Variants in CNBD1 observed in about 807,000 individuals in gnomAD.
The protein encoded by CNBD1 is cyclic nucleotide-binding domain-containing protein 1.
Under a neutral mutation model 54.4 loss-of-function variants are expected in CNBD1, and 71 were observed. The observed-to-expected ratio is 1.30, with a 90% CI of 1.08 to 1.59. The LOEUF (loss-of-function observed/expected upper bound fraction) is 1.59, where lower values mean the gene tolerates loss of function less well. Among genes scored for constraint, CNBD1 ranks in the 40% most tolerant of loss-of-function variants. The pLI is 0.00. For synonymous variants in CNBD1, 182 were observed against 170.7 expected (o/e 1.07, Z -0.51); for missense variants, 659 against 518.0 (o/e 1.27, Z -2.64).
intron 2 of CNBD1, among the ~76,000 whole-genome samples, chr8:86,900,335 G>A (rs1191068379): frequency 2.6e-5 from 4 of 152,060 alleles, no homozygotes; most frequent in Non-Finnish European, 5.9e-5. Context: ...CTGTGTCTAG[G>A]TAGTTTTTAA....
intron 4 of CNBD1, among the ~76,000 whole-genome samples, chr8:86,948,867 C>T (rs1364031830): frequency 6.6e-6 from 1 of 152,002 alleles, no homozygotes; most frequent in Non-Finnish European, 1.5e-5. Flanking sequence ...TCCAATGTTT[C>T]ATAGTAGTTT....
chr8:87,333,553 A>G (rs1435925477), intron 8 of CNBD1, among the ~76,000 whole-genome samples: 4 of 152,140 alleles, frequency 2.6e-5, no homozygotes, highest in Non-Finnish European at 5.9e-5. Flanking sequence ...TGTTCCATCA[A>G]TACCTAGTTT....
intron 5 of CNBD1, among the ~76,000 whole-genome samples, chr8:87,207,445 T>C (rs989629725): frequency 6.6e-6 from 1 of 151,632 alleles, no homozygotes; most frequent in East Asian, 1.9e-4. Context: ...TCTAAATTTA[T>C]GCACATAGAC....
At chr8:86,988,035 C>G (rs891766916) in intron 4 of CNBD1, among the ~76,000 whole-genome samples, 2 of 151,960 alleles carry the variant, frequency 1.3e-5, no homozygotes, top group Non-Finnish European at 2.9e-5. Flanking sequence ...AGGAAACTCT[C>G]CTTCATTTTT....
intron 2 of CNBD1, among the ~76,000 whole-genome samples, chr8:87,396,593 G>T (rs1013622299): frequency 1.3e-5 from 2 of 151,564 alleles, no homozygotes; most frequent in Non-Finnish European, 2.9e-5. Context: ...TATGACTGTT[G>T]AATATTTCTT....
chr8:86,982,785 G>T (rs960263437), intron 4 of CNBD1, among the ~76,000 whole-genome samples: 3 of 152,084 alleles, frequency 2.0e-5, no homozygotes, highest in Non-Finnish European at 2.9e-5. Context: ...CTCTGTCTAT[G>T]TAAGTATTAG....
chr8:87,345,415 T>C (rs1191861971), intron 8 of CNBD1, among the ~76,000 whole-genome samples: 1 of 152,182 alleles, frequency 6.6e-6, no homozygotes, highest in Non-Finnish European at 1.5e-5. Flanking sequence ...TTTTTGGTGC[T>C]CTACCCCTTC....
chr8:86,905,195 G>A lies in CNBD1; in HGVS notation c.272+1G>A. 3 of 1,548,614 alleles carry A rather than the reference G, an allele frequency of 1.9e-6. 1 individual carries two copies. Reference sequence around the variant, plus strand: ...AACTTTTCAAACAGGAGGAACAAAGGTAATGATACCTTCTTTTGAAAGCAA... The same window carrying A: ...AACTTTTCAAACAGGAGGAACAAAGATAATGATACCTTCTTTTGAAAGCAA... On this transcript the variant is annotated splice_donor_variant, in intron 3 of 10. Transcript: ENST00000518476. LOFTEE classifies it high-confidence loss of function.
chr8:87,181,364 A>G (rs1813307404), intron 4 of CNBD1, among the ~76,000 whole-genome samples: 1 of 152,196 alleles, frequency 6.6e-6, no homozygotes, highest in Non-Finnish European at 1.5e-5. Flanking sequence ...ATCTCCTCAC[A>G]AAGATTCCTT....
intron 4 of CNBD1, among the ~76,000 whole-genome samples, chr8:87,173,039 T>G (rs1813122156): frequency 6.6e-6 from 1 of 152,146 alleles, no homozygotes; most frequent in Admixed American, 6.6e-5. Flanking sequence ...GTATTTGTTG[T>G]ATATTTTTTA....
intron 8 of CNBD1, among the ~76,000 whole-genome samples, chr8:87,308,525 G>A (rs1454456101): frequency 2.0e-5 from 3 of 152,054 alleles, no homozygotes; most frequent in Admixed American, 2.0e-4. Flanking sequence ...TGCATACAAT[G>A]TGTCATGATC....
At chr8:87,377,423 A>T (rs533951327) in intron 10 of CNBD1, among the ~76,000 whole-genome samples, 1 of 150,844 alleles carries the variant, frequency 6.6e-6, no homozygotes, top group Non-Finnish European at 1.5e-5. Context: ...TGTTCTTGCG[A>T]TAGTTTATTG....
At chr8:87,280,623 T>C (rs1563536335) in intron 6 of CNBD1, among the ~76,000 whole-genome samples, 2 of 151,474 alleles carry the variant, frequency 1.3e-5, no homozygotes, top group Non-Finnish European at 3.0e-5. Flanking sequence ...CTAAAAGCAA[T>C]GGAAAAAATA....
chr8:87,220,773 C>T (rs1244139816), intron 5 of CNBD1, among the ~76,000 whole-genome samples: 1 of 151,976 alleles, frequency 6.6e-6, no homozygotes, highest in Non-Finnish European at 1.5e-5. Flanking sequence ...TATATACTTA[C>T]AGTAACTTTT....
At chr8:86,904,977 A>G in intron 2 of CNBD1, 104 bp from the exon 3 acceptor site, 1 of 465,598 alleles carries the variant, frequency 2.1e-6, no homozygotes, top group East Asian at 3.2e-5. Flanking sequence ...TGCTTCTTAG[A>G]CTAAATAGTA....
chr8:86,938,339 G>A (rs1809588181), intron 3 of CNBD1, among the ~76,000 whole-genome samples: 1 of 152,094 alleles, frequency 6.6e-6, no homozygotes, highest in African/African-American at 2.4e-5. Context: ...CTTCCAAACT[G>A]TTGCAAACTC....
intron 4 of CNBD1, among the ~76,000 whole-genome samples, chr8:86,977,064 A>T (rs547924717): frequency 3.2e-4 from 49 of 152,132 alleles, no homozygotes; most frequent in Admixed American, 3.0e-3. Context: ...ACTATGCTGA[A>T]CAGAAGTGGT....
At position 87,256,007 on chromosome 8, in the gene CNBD1, A is replaced by AT. The variant is rs1808011117; in HGVS notation, c.771+18896dup. Among the ~76,000 whole-genome samples, 17 of 19,790 alleles carry AT rather than the reference A, an allele frequency of 8.6e-4. 1 individual carries two copies. The highest frequency in any genetic ancestry group is 4.0e-3 in the African/African-American group (15 of 3,706). The allele number at this position is 19,790 out of a possible 152,430, so 13.0% of individuals were successfully genotyped here. A position where few individuals can be genotyped will look rare whatever the true frequency, so the allele number is the denominator to read the frequency against. ...TATATATATATATATATATATATAT[A>AT]TATATATATTTTTTTTTTTTTTTTT... On this transcript the variant is annotated intron_variant, in intron 6 of 10. Transcript: ENST00000518476.
At chr8:87,328,171 GT>G (rs1227670861) in intron 8 of CNBD1, among the ~76,000 whole-genome samples, 1 of 151,816 alleles carries the variant, frequency 6.6e-6, no homozygotes, top group Non-Finnish European at 1.5e-5. Context: ...GGTGTGTGAT[GT>G]TCCCTCCCTG....
Sources: gnomAD v4.1 joint callset for allele counts (sites outside exome capture counted in the v4.1 genomes callset) on GRCh38, gnomAD v4.1.1 for gene constraint, MANE v1.5 for transcripts, NCBI Gene and HGNC (gene_info 2026-07-23, HGNC 2026-07-21) for gene names.